Variants in SAMD4A observed in about 807,000 individuals in gnomAD.
SAMD4A encodes sterile alpha motif domain containing 4A.
In SAMD4A, 33 loss-of-function variants were observed where a neutral mutation model predicts 81.3. The observed-to-expected ratio is 0.41, with a 90% CI of 0.31 to 0.54. The LOEUF (loss-of-function observed/expected upper bound fraction) is 0.54. SAMD4A is among the 20% of genes least tolerant of loss of function. The pLI is 0.37. For synonymous variants in SAMD4A, 389 were observed against 382.1 expected, an observed-to-expected ratio of 1.02 and a Z score of -0.21; for missense variants, 854 against 951.1, an observed-to-expected ratio of 0.90 and a Z score of 1.34.
intron 8 of SAMD4A, among the ~76,000 whole-genome samples, chr14:54,767,798 G>A (rs895414282): frequency 6.6e-5 from 10 of 152,214 alleles, no homozygotes; most frequent in African/African-American, 2.4e-4. Flanking sequence ...GCACTCCCCT[G>A]TAGGCCAGGA....
At chr14:54,755,347 A>T (rs1328301235) in intron 6 of SAMD4A, among the ~76,000 whole-genome samples, 3 of 152,186 alleles carry the variant, frequency 2.0e-5, no homozygotes, top group Non-Finnish European at 4.4e-5. Context: ...TGGCCGGAAG[A>T]GCAGGTCTAG....
intron 2 of SAMD4A, among the ~76,000 whole-genome samples, chr14:54,603,830 A>G (rs911135269): frequency 6.8e-6 from 1 of 148,084 alleles, no homozygotes; most frequent in Non-Finnish European, 1.5e-5. Context: ...TTATTTGTTT[A>G]TTTATTTATT....
chr14:54,749,451 A>T (rs2038045733), intron 5 of SAMD4A, among the ~76,000 whole-genome samples: 1 of 152,208 alleles, frequency 6.6e-6, no homozygotes, highest in Non-Finnish European at 1.5e-5. Flanking sequence ...CAACATTTTT[A>T]AAAAGTCATG....
intron 2 of SAMD4A, among the ~76,000 whole-genome samples, chr14:54,695,220 C>A (rs1029428739): frequency 2.0e-5 from 3 of 152,198 alleles, no homozygotes; most frequent in Admixed American, 2.0e-4. Flanking sequence ...AACATAACAA[C>A]AAGTTATCTC....
intron 2 of SAMD4A, among the ~76,000 whole-genome samples, chr14:54,632,207 A>C (rs958815882): frequency 1.3e-5 from 2 of 152,206 alleles, no homozygotes; most frequent in Admixed American, 6.5e-5. Context: ...CAAACCACTT[A>C]CTATTAGATA....
At chr14:54,746,939 C>G (rs1417204804) in intron 4 of SAMD4A, among the ~76,000 whole-genome samples, 2 of 152,248 alleles carry the variant, frequency 1.3e-5, no homozygotes, top group Non-Finnish European at 2.9e-5. Flanking sequence ...GCCGCTCACT[C>G]TGCAGAAGCA....
chr14:54,651,531 A>G (rs1394886385), intron 2 of SAMD4A, among the ~76,000 whole-genome samples: 1 of 152,216 alleles, frequency 6.6e-6, no homozygotes, highest in African/African-American at 2.4e-5. Context: ...TTTGCAACTA[A>G]TGGGTCATAT....
intron 2 of SAMD4A, among the ~76,000 whole-genome samples, chr14:54,614,219 G>T (rs1249934920): frequency 6.6e-6 from 1 of 152,100 alleles, no homozygotes; most frequent in African/African-American, 2.4e-5. Flanking sequence ...TTCTGGAAAA[G>T]ATAATTTTTT....
At chr14:54,631,377 C>T (rs556013099) in intron 2 of SAMD4A, among the ~76,000 whole-genome samples, 1 of 152,198 alleles carries the variant, frequency 6.6e-6, no homozygotes, top group African/African-American at 2.4e-5. Context: ...ATAAAACTAA[C>T]AATCACACAG....
chr14:54,744,505 A>T (rs1051281786), intron 4 of SAMD4A, among the ~76,000 whole-genome samples: 5 of 152,232 alleles, frequency 3.3e-5, no homozygotes, highest in Admixed American at 6.5e-5. Flanking sequence ...AATATAGAAC[A>T]TATACAAGAT....
At chr14:54,660,905 T>C (rs979801152) in intron 2 of SAMD4A, among the ~76,000 whole-genome samples, 3 of 152,228 alleles carry the variant, frequency 2.0e-5, no homozygotes, top group African/African-American at 7.2e-5. Flanking sequence ...TGTGTAATCA[T>C]TGCATTGAGA....
In SAMD4A at chr14:54,619,946, T is replaced by C. The variant is rs546992138; in HGVS notation, c.196+51834T>C. Reference sequence around the variant, plus strand: ...TTTTTAAAGTATTGTTTATTTTCCTTTGGACTTGAAAGACTTTTTTTTTCT... The same window carrying C: ...TTTTTAAAGTATTGTTTATTTTCCTCTGGACTTGAAAGACTTTTTTTTTCT... On this transcript the variant is annotated intron_variant, in intron 2 of 12. Coordinates refer to ENST00000554335, the MANE Select transcript of SAMD4A (RefSeq NM_015589.6). Among the ~76,000 whole-genome samples, 24 of 152,276 alleles carry C rather than the reference T, an allele frequency of 1.6e-4. No homozygotes were observed. In the East Asian group the frequency reaches 3.3e-3, roughly 21 times the overall value.
At chr14:54,783,203 C>T (rs1013433619) in intron 11 of SAMD4A, among the ~76,000 whole-genome samples, 1 of 151,278 alleles carries the variant, frequency 6.6e-6, no homozygotes, top group African/African-American at 2.4e-5. Context: ...TCTTAGCTGT[C>T]AGAGTTTCCT....
intron 3 of SAMD4A, among the ~76,000 whole-genome samples, chr14:54,728,679 T>G (rs1421112753): frequency 3.9e-5 from 6 of 152,208 alleles, no homozygotes. Context: ...GTTCTCCTCC[T>G]TTTATCAAGG....
At chr14:54,720,690 AC>A (rs2140858115) in intron 3 of SAMD4A, among the ~76,000 whole-genome samples, 1 of 152,256 alleles carries the variant, frequency 6.6e-6, no homozygotes, top group Admixed American at 6.5e-5. Context: ...TGTACCTTAA[AC>A]ATAAATTCTA....
intron 2 of SAMD4A, among the ~76,000 whole-genome samples, chr14:54,667,810 A>G (rs1186359383): frequency 6.6e-5 from 10 of 152,164 alleles, no homozygotes; most frequent in Admixed American, 5.2e-4. Flanking sequence ...CCATGCATTC[A>G]TGCTTAGCCT....
intron 3 of SAMD4A, among the ~76,000 whole-genome samples, chr14:54,735,437 A>G (rs1297776425): frequency 6.6e-6 from 1 of 152,192 alleles, no homozygotes. Context: ...GATAGAATCT[A>G]CCCAAATTGG....
intron 3 of SAMD4A, among the ~76,000 whole-genome samples, chr14:54,731,006 T>C (rs559286426): frequency 1.3e-5 from 2 of 152,350 alleles, no homozygotes; most frequent in Admixed American, 6.5e-5. Context: ...ATACAAGTGG[T>C]GTTAGCAGAA....
chr14:54,604,626 C>A (rs377083038), intron 2 of SAMD4A, among the ~76,000 whole-genome samples: 1 of 152,128 alleles, frequency 6.6e-6, no homozygotes, highest in Non-Finnish European at 1.5e-5. Context: ...AATTTATGAA[C>A]GCTTATACAT....
Sources: allele counts gnomAD v4.1 joint callset (sites outside exome capture counted in the v4.1 genomes callset), GRCh38; gene constraint gnomAD v4.1.1; transcripts MANE v1.5; gene names NCBI Gene and HGNC (gene_info 2026-07-23, HGNC 2026-07-21).